The following NUDCD1 variants were observed in gnomAD, a reference collection of about 807,000 sequenced individuals.
NUDCD1 encodes the protein nudC domain-containing protein 1.
Under a neutral mutation model 67.8 loss-of-function variants are expected in NUDCD1, and 60 were observed. That is an observed-to-expected ratio of 0.88 (90% CI 0.72 to 1.10). NUDCD1 has a LOEUF of 1.10. Ranked by LOEUF, NUDCD1 falls within the 50% of genes least tolerant of loss-of-function variation. NUDCD1 has a pLI of 0.00. For missense variants in NUDCD1, 643 were observed against 695.0 expected, an observed-to-expected ratio of 0.93 and a Z score of 0.84; for synonymous variants, 244 against 230.8, an observed-to-expected ratio of 1.06 and a Z score of -0.52.
intron 2 of NUDCD1, among the ~76,000 whole-genome samples, chr8:109,307,336 T>C (rs977116019): frequency 6.6e-6 from 1 of 152,212 alleles, no homozygotes; most frequent in South Asian, 2.1e-4. Context: ...GAACTAATGA[T>C]AATCCCACCA....
chr8:109,271,145 TAAAA>T lies in NUDCD1; in HGVS notation c.1174-19_1174-16del. 6.7e-7 allele frequency: 1 copy of T among 1,495,668 alleles called. No homozygotes were observed. Among genetic ancestry groups the T allele is most frequent in the Non-Finnish European group, 9.1e-7 (1 of 1,098,672 alleles). The allele number at this position is 1,495,668 out of a possible 1,614,324, so 92.6% of individuals were successfully genotyped here. Reference sequence around the variant, plus strand: ...GGATTTGGATTCTTAGTCCAGAAAATAAAATAAGTAAATAAGTAAAACAAATAAA... The same window carrying T: ...GGATTTGGATTCTTAGTCCAGAAAATTAAGTAAATAAGTAAAACAAATAAA... On this transcript the variant is annotated splice_polypyrimidine_tract_variant and intron_variant, in intron 7 of 9. Transcript: ENST00000239690.
At chr8:109,271,860 A>G (rs578050311) in intron 7 of NUDCD1, among the ~76,000 whole-genome samples, 1 of 152,302 alleles carries the variant, frequency 6.6e-6, no homozygotes, top group South Asian at 2.1e-4. Flanking sequence ...GAAACTATGT[A>G]GGCCGGAATA....
At chr8:109,248,132 T>G (rs1342572715) in intron 8 of NUDCD1, among the ~76,000 whole-genome samples, 2 of 152,340 alleles carry the variant, frequency 1.3e-5, no homozygotes, top group East Asian at 3.9e-4. Flanking sequence ...GATATACTGC[T>G]GGCTTTGAAG....
At chr8:109,245,077 T>C (rs1026482) in intron 9 of NUDCD1, among the ~76,000 whole-genome samples, 8,707 of 152,188 alleles carry the variant, frequency 0.057, 846 homozygotes, top group African/African-American at 0.2. Flanking sequence ...ATAATTCAAG[T>C]GGTTAGATAA....
chr8:109,310,196 T>A (rs1815209439), intron 2 of NUDCD1, among the ~76,000 whole-genome samples: 1 of 152,130 alleles, frequency 6.6e-6, no homozygotes, highest in Non-Finnish European at 1.5e-5. Context: ...TATGGAGGCA[T>A]CACATTTCCT....
At chr8:109,321,112 A>G (rs1350816539) in intron 2 of NUDCD1, among the ~76,000 whole-genome samples, 5 of 152,258 alleles carry the variant, frequency 3.3e-5, no homozygotes, top group East Asian at 1.9e-4. Context: ...GGAAATATTA[A>G]AAGAATTTTA....
At chr8:109,266,352 A>G (rs984900186) in intron 8 of NUDCD1, among the ~76,000 whole-genome samples, 24 of 149,790 alleles carry the variant, frequency 1.6e-4, no homozygotes, top group African/African-American at 5.7e-4. Flanking sequence ...CAGCCTCCCA[A>G]GTAGCTGGGA....
At chr8:109,323,429 T>C (rs569455179) in intron 1 of NUDCD1, among the ~76,000 whole-genome samples, 3 of 152,230 alleles carry the variant, frequency 2.0e-5, no homozygotes, top group East Asian at 3.9e-4. Context: ...GAGCCAAGAA[T>C]GGAATCTTGC....
chr8:109,283,989 T>TAAAAAAA (rs58089818), intron 5 of NUDCD1, among the ~76,000 whole-genome samples: 10 of 133,136 alleles, frequency 7.5e-5, no homozygotes, highest in African/African-American at 1.5e-4. Flanking sequence ...AAAGCTGGAT[T>TAAAAAAA]AAAAAAAAAA....
chr8:109,242,784 C>T lies in NUDCD1; in HGVS notation c.*225G>A, dbSNP rs966675613. On this transcript the variant is annotated 3_prime_UTR_variant, in exon 10 of 10. Transcript: ENST00000239690. ...AGTATACTTGCTAGTACTATCTTCA[C>T]TCTTTTTTTTTTTCAGAAGCCAATG... The T allele has an allele frequency of 1.6e-4, 49 of 298,198 alleles. No individual in the cohort carries two copies. Among genetic ancestry groups the T allele is most frequent in the Non-Finnish European group, 2.7e-4 (45 of 165,690 alleles). The allele number at this position is 298,198 out of a possible 1,614,324, so 18.5% of individuals were successfully genotyped here. A position where few individuals can be genotyped will look rare whatever the true frequency, so the allele number is the denominator to read the frequency against.
rs567989588 is a variant in NUDCD1 at position 109,263,041 on chromosome 8, TGA to T, written c.1299+7962_1299+7963del. ...ATGCAGTCCAGCTCGGGGGACAGAG[TGA>T]GACTCTGTCTCAAAAAAAAAAAAAA... On this transcript the variant is annotated intron_variant, in intron 8 of 9. Coordinates refer to ENST00000239690, the MANE Select transcript of NUDCD1 (RefSeq NM_032869.4). Among the ~76,000 whole-genome samples, 35 of 106,222 alleles carry T rather than the reference TGA, an allele frequency of 3.3e-4. 1 individual carries two copies. In the South Asian group the frequency reaches 0.011, roughly 35 times the overall value. The allele number at this position is 106,222 out of a possible 152,430, so 69.7% of individuals were successfully genotyped here.
At chr8:109,276,340 C>G (rs1433847966) in intron 6 of NUDCD1, among the ~76,000 whole-genome samples, 1 of 152,150 alleles carries the variant, frequency 6.6e-6, no homozygotes, top group Non-Finnish European at 1.5e-5. Context: ...ACTGCTATAA[C>G]AGAAAAGGGG....
chr8:109,256,252 A>C (rs562333220), intron 8 of NUDCD1, among the ~76,000 whole-genome samples: 3 of 152,170 alleles, frequency 2.0e-5, no homozygotes, highest in African/African-American at 7.2e-5. Flanking sequence ...AATGGTGAAA[A>C]ATAAGATAAT....
intron 2 of NUDCD1, among the ~76,000 whole-genome samples, chr8:109,312,580 C>G (rs1014451486): frequency 6.6e-6 from 1 of 151,576 alleles, no homozygotes; most frequent in African/African-American, 2.4e-5. Flanking sequence ...CATATGTACA[C>G]GAAGATCCAC....
chr8:109,267,146 CA>C (rs970557250), intron 8 of NUDCD1, among the ~76,000 whole-genome samples: 7 of 151,968 alleles, frequency 4.6e-5, no homozygotes, highest in Non-Finnish European at 1.0e-4. Flanking sequence ...ATTTTATGTT[CA>C]GGGGTACTTG....
chr8:109,268,772 T>C (rs988042636), intron 8 of NUDCD1, among the ~76,000 whole-genome samples: 1 of 152,186 alleles, frequency 6.6e-6, no homozygotes, highest in African/African-American at 2.4e-5. Context: ...AACAGCCTTC[T>C]ATCAGTCACG....
intron 2 of NUDCD1, among the ~76,000 whole-genome samples, chr8:109,301,997 G>T (rs961714665): frequency 2.0e-5 from 3 of 152,076 alleles, no homozygotes; most frequent in African/African-American, 7.2e-5. Context: ...TGCAGCCCAG[G>T]GCTGCTCACT....
At chr8:109,325,695 G>A (rs1003007363) in intron 1 of NUDCD1, among the ~76,000 whole-genome samples, 4 of 152,198 alleles carry the variant, frequency 2.6e-5, no homozygotes, top group Admixed American at 1.3e-4. Flanking sequence ...AACTCAGCAA[G>A]AACTGGATTA....
At chr8:109,261,496 T>C (rs1046138409) in intron 8 of NUDCD1, among the ~76,000 whole-genome samples, 6 of 152,162 alleles carry the variant, frequency 3.9e-5, no homozygotes, top group African/African-American at 1.2e-4. Context: ...ATTCCATTCA[T>C]AGAGTTCAAG....
Sources: gnomAD v4.1 joint callset for allele counts (sites outside exome capture counted in the v4.1 genomes callset) on GRCh38, gnomAD v4.1.1 for gene constraint, MANE v1.5 for transcripts, NCBI Gene and HGNC (gene_info 2026-07-23, HGNC 2026-07-21) for gene names.